The following ADGRB3 variants were observed in gnomAD, a reference collection of about 807,000 sequenced individuals.
The protein encoded by ADGRB3 is brain-specific angiogenesis inhibitor 3.
A neutral mutation model predicts 193.4 loss-of-function variants in ADGRB3; 37 were observed. The observed-to-expected ratio is 0.19, with a 90% CI of 0.15 to 0.25. The LOEUF (loss-of-function observed/expected upper bound fraction) is 0.25. Among genes scored for constraint, ADGRB3 ranks in the 10% least tolerant of loss-of-function variants. The probability of loss-of-function intolerance (pLI) is 1.00; values close to 1 mark genes in which losing one functional copy is unlikely to be tolerated. For missense variants in ADGRB3, 1,637 were observed against 1,852.9 expected (o/e 0.88, Z 2.14); for synonymous variants, 690 against 644.2 (o/e 1.07, Z -1.08).
intron 17 of ADGRB3, among the ~76,000 whole-genome samples, chr6:69,219,178 G>A (rs903898145): frequency 5.3e-5 from 8 of 151,834 alleles, no homozygotes; most frequent in African/African-American, 1.9e-4. Flanking sequence ...GCTACCCTGA[G>A]AATAAACAAT....
At chr6:68,874,538 C>A (rs2150221366) in intron 3 of ADGRB3, among the ~76,000 whole-genome samples, 1 of 152,056 alleles carries the variant, frequency 6.6e-6, no homozygotes, top group Admixed American at 6.5e-5. Context: ...TAAGTGAATC[C>A]ATGTGTTAAG....
intron 3 of ADGRB3, among the ~76,000 whole-genome samples, chr6:68,845,132 G>A (rs1177743957): frequency 6.6e-6 from 1 of 152,046 alleles, no homozygotes; most frequent in Middle Eastern, 3.2e-3. Flanking sequence ...CACAAGAAAG[G>A]GTTAAATACT....
chr6:68,947,441 A>T (rs1054646709), intron 6 of ADGRB3, among the ~76,000 whole-genome samples: 2 of 152,030 alleles, frequency 1.3e-5, no homozygotes, highest in African/African-American at 4.8e-5. Flanking sequence ...TTCTCTCTCC[A>T]TGCAACTCTA....
intron 17 of ADGRB3, among the ~76,000 whole-genome samples, chr6:69,188,394 C>T (rs1233839769): frequency 6.6e-6 from 1 of 152,024 alleles, no homozygotes; most frequent in African/African-American, 2.4e-5. Context: ...CTGCAACCTC[C>T]ACCTCCTGGG....
At position 68,770,961 on chromosome 6, in the gene ADGRB3, AGC is replaced by A. The variant is rs556293658; in HGVS notation, c.757+131530_757+131531del. Among the ~76,000 whole-genome samples, 452 of 152,194 alleles carry A rather than the reference AGC, an allele frequency of 3.0e-3. 4 individuals carry two copies. Among genetic ancestry groups the A allele is most frequent in the African/African-American group, 0.011 (440 of 41,552 alleles). ...AGTTAGTATCTCTGAGCTGCCTCTT[AGC>A]ATTATTATCAATTTGGAAAAGTGGT... On this transcript the variant is annotated intron_variant, in intron 3 of 31. Coordinates refer to ENST00000370598, the MANE Select transcript of ADGRB3 (RefSeq NM_001704.3).
rs76102860 is a variant in ADGRB3 at position 69,260,044 on chromosome 6, C to T, written c.2814+20818C>T. On this transcript the variant is annotated intron_variant, in intron 20 of 31. Coordinates refer to ENST00000370598, the MANE Select transcript of ADGRB3 (RefSeq NM_001704.3). ...ACCTTGTGTAAAGTCTGTTTTAATA[C>T]GCAAAATTATGTGTGTGTGCACATG... Among the ~76,000 whole-genome samples the T allele has an allele frequency of 8.8e-3, 1,340 of 152,182 alleles. 32 individuals are homozygous for T. Among genetic ancestry groups the T allele is most frequent in the Admixed American group, 0.044 (670 of 15,288 alleles).
At chr6:68,765,425 A>G (rs1562020335) in intron 3 of ADGRB3, among the ~76,000 whole-genome samples, 1 of 152,050 alleles carries the variant, frequency 6.6e-6, no homozygotes, top group South Asian at 2.1e-4. Context: ...TTATCCGCCT[A>G]TTAACACCGA....
At chr6:68,867,034 G>A (rs1013148557) in intron 3 of ADGRB3, among the ~76,000 whole-genome samples, 5 of 152,180 alleles carry the variant, frequency 3.3e-5, no homozygotes, top group Non-Finnish European at 7.3e-5. Context: ...CCTATTTTAT[G>A]GGGAGAAATT....
At chr6:69,090,778 G>A (rs990985492) in intron 17 of ADGRB3, among the ~76,000 whole-genome samples, 6 of 152,198 alleles carry the variant, frequency 3.9e-5, no homozygotes, top group African/African-American at 7.2e-5. Context: ...TATCTTGATC[G>A]TTTGGATTGT....
intron 20 of ADGRB3, among the ~76,000 whole-genome samples, chr6:69,292,654 T>G (rs1351029169): frequency 1.3e-5 from 2 of 152,066 alleles, no homozygotes; most frequent in Non-Finnish European, 2.9e-5. Context: ...TGAGATCCAC[T>G]GTAGGGAGAT....
In ADGRB3 at chr6:69,354,189, A is replaced by G. The variant is rs147577289; in HGVS notation, c.3460-44A>G. 139 of 1,407,654 alleles carry G rather than the reference A, an allele frequency of 9.9e-5. 1 individual carries two copies. In the African/African-American group the frequency reaches 1.7e-3, roughly 17 times the overall value. The allele number at this position is 1,407,654 out of a possible 1,614,324, so 87.2% of individuals were successfully genotyped here. On this transcript the variant is annotated intron_variant, in intron 26 of 31. Coordinates refer to ENST00000370598, the MANE Select transcript of ADGRB3 (RefSeq NM_001704.3). ...TTGCCAAGATAGACAGTATCTTGTC[A>G]TTATTAAGAGAGAAGAAAATTAATG...
At chr6:69,214,831 A>G (rs1439067292) in intron 17 of ADGRB3, among the ~76,000 whole-genome samples, 1 of 151,946 alleles carries the variant, frequency 6.6e-6, no homozygotes, top group African/African-American at 2.4e-5. Context: ...TCAAATTCTT[A>G]AAAGAAAATA....
chr6:69,307,217 T>G (rs1768084591), intron 20 of ADGRB3, among the ~76,000 whole-genome samples: 1 of 151,562 alleles, frequency 6.6e-6, no homozygotes, highest in Non-Finnish European at 1.5e-5. Context: ...AAAATCTACC[T>G]GATGTCATTG....
intron 15 of ADGRB3, among the ~76,000 whole-genome samples, chr6:69,053,030 A>G (rs1023884100): frequency 6.6e-6 from 1 of 152,160 alleles, no homozygotes; most frequent in Non-Finnish European, 1.5e-5. Context: ...TACTAAAAAT[A>G]CAAAAATTAG....
At chr6:68,763,808 C>T (rs537770126) in intron 3 of ADGRB3, among the ~76,000 whole-genome samples, 87 of 152,144 alleles carry the variant, frequency 5.7e-4, no homozygotes, top group Non-Finnish European at 1.0e-3. Flanking sequence ...GGTGGTGGCT[C>T]ACACCTGTAA....
intron 20 of ADGRB3, among the ~76,000 whole-genome samples, chr6:69,304,113 A>G (rs1011835662): frequency 1.3e-5 from 2 of 151,810 alleles, no homozygotes; most frequent in Non-Finnish European, 1.5e-5. Context: ...AAAAGAGGTT[A>G]TATAATTATT....
chr6:69,126,940 A>G (rs1773868958), intron 17 of ADGRB3, among the ~76,000 whole-genome samples: 1 of 152,226 alleles, frequency 6.6e-6, no homozygotes, highest in African/African-American at 2.4e-5. Flanking sequence ...CTTCCCTAGT[A>G]GAATATGAGA....
intron 3 of ADGRB3, among the ~76,000 whole-genome samples, chr6:68,833,162 A>G (rs1187332452): frequency 2.0e-5 from 3 of 152,168 alleles, no homozygotes; most frequent in Non-Finnish European, 4.4e-5. Context: ...ATGTCAAGAT[A>G]CCTTAATGTT....
intron 3 of ADGRB3, among the ~76,000 whole-genome samples, chr6:68,885,448 T>C (rs1313923062): frequency 6.6e-6 from 1 of 152,116 alleles, no homozygotes; most frequent in African/African-American, 2.4e-5. Context: ...TCAAACTAAT[T>C]GACGAAAATC....
Sources: allele counts gnomAD v4.1 joint callset (sites outside exome capture counted in the v4.1 genomes callset), GRCh38; gene constraint gnomAD v4.1.1; transcripts MANE v1.5; gene names NCBI Gene and HGNC (gene_info 2026-07-23, HGNC 2026-07-21).